The following FBXO4 variants were observed in gnomAD, a reference collection of about 807,000 sequenced individuals.
FBXO4 encodes the protein F-box only protein 4.
In FBXO4, 36 loss-of-function variants were observed where a neutral mutation model predicts 43.7. The ratio of observed to expected loss-of-function variants is 0.82; its 90% CI spans 0.63 to 1.09. The LOEUF (loss-of-function observed/expected upper bound fraction) is 1.09, where lower values mean the gene tolerates loss of function less well. Ranked by LOEUF, FBXO4 falls within the 50% of genes least tolerant of loss-of-function variation. The pLI is 0.00. For synonymous variants in FBXO4, 180 were observed against 165.6 expected, an observed-to-expected ratio of 1.09 and a Z score of -0.67; for missense variants, 435 against 474.1, an observed-to-expected ratio of 0.92 and a Z score of 0.77.
chr5:41,927,446 G>A (rs1751543233), intron 2 of FBXO4, among the ~76,000 whole-genome samples, 198 bp downstream of exon 2: 1 of 152,074 alleles, frequency 6.6e-6, no homozygotes, highest in African/African-American at 2.4e-5. Flanking sequence ...TCCCTGTGGT[G>A]CCTAACCAGT....
the FBXO4 span, among the ~76,000 whole-genome samples, chr5:41,962,413 G>C: frequency 9.2e-5 from 14 of 152,172 alleles, no homozygotes; most frequent in African/African-American, 2.9e-4. Flanking sequence ...TGAGTGCCTA[G>C]AGAATTTTGT....
At chr5:41,989,898 C>A in the FBXO4 span, among the ~76,000 whole-genome samples, 1 of 152,108 alleles carries the variant, frequency 6.6e-6, no homozygotes, top group Non-Finnish European at 1.5e-5. Flanking sequence ...TAAGATTTTG[C>A]ATAAATTTCA....
the FBXO4 span, among the ~76,000 whole-genome samples, chr5:42,014,435 C>T: frequency 6.6e-6 from 1 of 152,140 alleles, no homozygotes; most frequent in Non-Finnish European, 1.5e-5. Flanking sequence ...CATATTCTGA[C>T]ATGCATCCCT....
downstream of FBXO4, among the ~76,000 whole-genome samples, chr5:41,943,485 T>C (rs1355238749): frequency 1.3e-5 from 2 of 152,150 alleles, no homozygotes; most frequent in Non-Finnish European, 2.9e-5. Context: ...TATCAAAAAC[T>C]GATGTAAGCA....
chr5:42,030,611 A>G, the FBXO4 span, among the ~76,000 whole-genome samples: 2 of 149,936 alleles, frequency 1.3e-5, no homozygotes, highest in African/African-American at 4.8e-5. Flanking sequence ...ACAAATGGGA[A>G]CTAATTAAAC....
the FBXO4 span, among the ~76,000 whole-genome samples, chr5:42,028,521 T>G: frequency 8.6e-5 from 13 of 151,836 alleles, no homozygotes; most frequent in Non-Finnish European, 1.8e-4. Context: ...TCCATTTATA[T>G]TCAATGTTAC....
At chr5:41,934,338 C>T in intron 5 of FBXO4, 30 bp downstream of exon 5, 1 of 1,613,494 alleles carries the variant, frequency 6.2e-7, no homozygotes. Flanking sequence ...TTTTTAAGCA[C>T]ATTGTTCTTT....
At chr5:41,944,172 C>T (rs1045234975), downstream of FBXO4, among the ~76,000 whole-genome samples, 6 of 152,276 alleles carry the variant, frequency 3.9e-5, no homozygotes, top group South Asian at 2.1e-4. Context: ...TATTTTGTAA[C>T]GATCTCAGGC....
chr5:42,032,258 C>T, the FBXO4 span, among the ~76,000 whole-genome samples: 1 of 152,006 alleles, frequency 6.6e-6, no homozygotes, highest in Non-Finnish European at 1.5e-5. Context: ...TTTTCAAGGC[C>T]CTGGGGCTCT....
chr5:41,930,646 AT>A (rs1025761351), intron 3 of FBXO4, among the ~76,000 whole-genome samples: 5 of 148,954 alleles, frequency 3.4e-5, no homozygotes, highest in African/African-American at 1.0e-4. Flanking sequence ...CGAGAACTAC[AT>A]TTTTTTCTTT....
chr5:41,935,511 G>A (rs1390256811), intron 5 of FBXO4, among the ~76,000 whole-genome samples: 1 of 152,226 alleles, frequency 6.6e-6, no homozygotes, highest in Non-Finnish European at 1.5e-5. Flanking sequence ...TCTTAGGGGA[G>A]GAGCAGGAAT....
At chr5:41,981,615 C>A in the FBXO4 span, among the ~76,000 whole-genome samples, 1 of 151,644 alleles carries the variant, frequency 6.6e-6, no homozygotes, top group African/African-American at 2.4e-5. Flanking sequence ...TGCCAGAAAT[C>A]TTTTCTACCA....
At chr5:41,961,876 T>G in the FBXO4 span, among the ~76,000 whole-genome samples, 1 of 152,238 alleles carries the variant, frequency 6.6e-6, no homozygotes, top group African/African-American at 2.4e-5. Flanking sequence ...TGGAGCTGAC[T>G]GCTAGGAAAC....
chr5:41,995,745 C>T, the FBXO4 span, among the ~76,000 whole-genome samples: 1 of 152,240 alleles, frequency 6.6e-6, no homozygotes, highest in Non-Finnish European at 1.5e-5. Flanking sequence ...CCACATACCT[C>T]TTCCCCTTTC....
At chr5:41,995,464 C>G in the FBXO4 span, among the ~76,000 whole-genome samples, 84 of 152,312 alleles carry the variant, frequency 5.5e-4, no homozygotes, top group African/African-American at 1.9e-3. Context: ...GGGCACTCAG[C>G]AGTGGCCATA....
the FBXO4 span, among the ~76,000 whole-genome samples, chr5:41,963,281 T>C: frequency 6.6e-6 from 1 of 152,128 alleles, no homozygotes; most frequent in Non-Finnish European, 1.5e-5. Context: ...TCTTTTAGAA[T>C]ATATTGGAGG....
the FBXO4 span, among the ~76,000 whole-genome samples, chr5:42,000,933 A>G: frequency 6.6e-6 from 1 of 152,090 alleles, no homozygotes; most frequent in South Asian, 2.1e-4. Context: ...TCAGTGATTT[A>G]TGTCTGATTT....
chr5:42,039,472 C>G, the FBXO4 span, among the ~76,000 whole-genome samples: 1 of 152,044 alleles, frequency 6.6e-6, no homozygotes, highest in Non-Finnish European at 1.5e-5. Flanking sequence ...CAGACATGTT[C>G]CTACCTGTGG....
chr5:41,947,897 AG>A, the FBXO4 span, among the ~76,000 whole-genome samples: 1 of 152,116 alleles, frequency 6.6e-6, no homozygotes, highest in African/African-American at 2.4e-5. Context: ...CCCTAACATA[AG>A]TGTTGACTCA....
Sources: allele counts gnomAD v4.1 joint callset (sites outside exome capture counted in the v4.1 genomes callset), GRCh38; gene constraint gnomAD v4.1.1; transcripts MANE v1.5; gene names NCBI Gene and HGNC (gene_info 2026-07-23, HGNC 2026-07-21).